MAPK10: variants seen among roughly 807,000 people sequenced by gnomAD.
MAPK10 encodes JNK3 alpha protein kinase.
MAPK10 carries 25 observed loss-of-function variants against 59.3 expected under a neutral mutation model. The observed-to-expected ratio is 0.42, with a 90% confidence interval of 0.31 to 0.59. MAPK10 has a LOEUF of 0.59. MAPK10 is among the 20% of genes least tolerant of loss of function. The probability of loss-of-function intolerance (pLI) is 0.15; values close to 1 mark genes in which losing one functional copy is unlikely to be tolerated. For missense variants in MAPK10, 351 were observed against 568.9 expected (o/e 0.62, Z 3.90); for synonymous variants, 190 against 200.5 (o/e 0.95, Z 0.44).
At chr4:86,025,748 A>G (rs1463672645) in intron 13 of MAPK10, among the ~76,000 whole-genome samples, 1 of 152,252 alleles carries the variant, frequency 6.6e-6, no homozygotes, top group East Asian at 1.9e-4. Context: ...ATCAGATTTC[A>G]TAGAAAGAAG....
intron 2 of MAPK10, among the ~76,000 whole-genome samples, chr4:86,321,241 A>G (rs1246020794): frequency 2.0e-5 from 3 of 152,024 alleles, no homozygotes; most frequent in Admixed American, 6.6e-5. Flanking sequence ...CTGGGTATAT[A>G]CCCAAAGGAC....
At chr4:86,216,270 A>C (rs1172308684) in intron 2 of MAPK10, among the ~76,000 whole-genome samples, 2 of 143,814 alleles carry the variant, frequency 1.4e-5, no homozygotes, top group Admixed American at 1.4e-4. Context: ...ATATATATAT[A>C]TAGCACACAC....
chr4:86,494,753 G>C (rs569074170), intron 1 of MAPK10, among the ~76,000 whole-genome samples: 3 of 144,166 alleles, frequency 2.1e-5, no homozygotes, highest in African/African-American at 2.5e-5. Context: ...TGAGGCAGGA[G>C]AATGGCGTGA....
chr4:86,321,266 C>T (rs1295936463), intron 2 of MAPK10, among the ~76,000 whole-genome samples: 1 of 151,936 alleles, frequency 6.6e-6, no homozygotes, highest in Non-Finnish European at 1.5e-5. Flanking sequence ...AATCATGCTG[C>T]TATAAAGACA....
At chr4:86,428,539 G>A (rs564791321) in intron 1 of MAPK10, among the ~76,000 whole-genome samples, 1 of 152,230 alleles carries the variant, frequency 6.6e-6, no homozygotes, top group East Asian at 1.9e-4. Flanking sequence ...AGAATCTTCT[G>A]TTTTGGGAAA....
intron 2 of MAPK10, among the ~76,000 whole-genome samples, chr4:86,281,494 C>G (rs1195318298): frequency 6.8e-6 from 1 of 146,856 alleles, no homozygotes; most frequent in Non-Finnish European, 1.5e-5. Flanking sequence ...AGAGCAAGAC[C>G]CCCTCAAAAT....
chr4:86,409,966 C>A (rs2149026066), intron 1 of MAPK10, among the ~76,000 whole-genome samples: 1 of 152,288 alleles, frequency 6.6e-6, no homozygotes, highest in Non-Finnish European at 1.5e-5. Flanking sequence ...GGGAAGGCAT[C>A]CTTGTCTTGT....
intron 11 of MAPK10, among the ~76,000 whole-genome samples, chr4:86,045,384 A>T (rs1275732678): frequency 1.3e-5 from 2 of 152,074 alleles, no homozygotes; most frequent in Non-Finnish European, 2.9e-5. Context: ...CCTCTACCAT[A>T]TGATATTACT....
intron 2 of MAPK10, among the ~76,000 whole-genome samples, chr4:86,219,275 C>G (rs140218211): frequency 5.3e-5 from 8 of 152,288 alleles, no homozygotes; most frequent in African/African-American, 1.7e-4. Flanking sequence ...CTTGCACAAC[C>G]AAACTCTTAA....
At chr4:86,335,861 TG>T (rs1720979192) in intron 2 of MAPK10, among the ~76,000 whole-genome samples, 1 of 152,126 alleles carries the variant, frequency 6.6e-6, no homozygotes, top group Non-Finnish European at 1.5e-5. Context: ...GAGAACAGCA[TG>T]GGGGAAACCG....
intron 1 of MAPK10, among the ~76,000 whole-genome samples, chr4:86,478,405 C>T (rs1348312929): frequency 6.6e-6 from 1 of 152,186 alleles, no homozygotes; most frequent in Non-Finnish European, 1.5e-5. Context: ...AACAACTTGA[C>T]CTTACTGTTT....
At chr4:86,070,283 A>C (rs2047573578) in intron 9 of MAPK10, among the ~76,000 whole-genome samples, 1 of 152,016 alleles carries the variant, frequency 6.6e-6, no homozygotes, top group Admixed American at 6.6e-5. Context: ...CTTGTTTTCT[A>C]GATGTTCATA....
intron 1 of MAPK10, among the ~76,000 whole-genome samples, chr4:86,481,212 G>A (rs1753581473): frequency 6.6e-6 from 1 of 152,154 alleles, no homozygotes; most frequent in South Asian, 2.1e-4. Flanking sequence ...GCTTACCGTG[G>A]GGAAGAAGAA....
chr4:86,507,615 G>GAGATATATAT (rs1219957209), intron 1 of MAPK10, among the ~76,000 whole-genome samples: 9 of 35,650 alleles, frequency 2.5e-4, no homozygotes, highest in Non-Finnish European at 4.1e-4. Context: ...ATAAACTGGA[G>GAGATATATAT]ATATATATAT....
chr4:86,175,617 C>T (rs182016149), intron 3 of MAPK10, among the ~76,000 whole-genome samples: 67 of 152,178 alleles, frequency 4.4e-4, no homozygotes, highest in Non-Finnish European at 3.1e-4. Flanking sequence ...CCATGTAAGA[C>T]GTGCCTATTT....
chr4:86,229,536 T>C (rs1339689085), intron 2 of MAPK10, among the ~76,000 whole-genome samples: 1 of 152,146 alleles, frequency 6.6e-6, no homozygotes, highest in African/African-American at 2.4e-5. Flanking sequence ...CTAAAAGCTA[T>C]CCACTTTATA....
At chr4:86,582,155 A>C (rs1762357682) in intron 1 of MAPK10, among the ~76,000 whole-genome samples, 1 of 151,802 alleles carries the variant, frequency 6.6e-6, no homozygotes. Context: ...TGAAAGTAAC[A>C]GCAAATATAA....
chr4:86,247,230 T>G (rs919877856), intron 2 of MAPK10, among the ~76,000 whole-genome samples: 4 of 152,226 alleles, frequency 2.6e-5, no homozygotes, highest in African/African-American at 7.2e-5. Flanking sequence ...CTCTATGTTC[T>G]CTCATTGTTT....
At chr4:86,269,893 T>C (rs1471813875) in intron 2 of MAPK10, among the ~76,000 whole-genome samples, 1 of 152,116 alleles carries the variant, frequency 6.6e-6, no homozygotes, top group East Asian at 1.9e-4. Flanking sequence ...AAAAAAGTTT[T>C]GATTAAAAGA....
Sources: gnomAD v4.1 joint callset for allele counts (sites outside exome capture counted in the v4.1 genomes callset) on GRCh38, gnomAD v4.1.1 for gene constraint, MANE v1.5 for transcripts, NCBI Gene and HGNC (gene_info 2026-07-23, HGNC 2026-07-21) for gene names.